The following SLC41A3 variants were observed in gnomAD, a reference collection of about 807,000 sequenced individuals.
SLC41A3 encodes the protein solute carrier family 41 member 3, also known as SLC41A1-like 2.
Under a neutral mutation model 45.4 loss-of-function variants are expected in SLC41A3, and 44 were observed. The ratio of observed to expected loss-of-function variants is 0.97; its 90% CI spans 0.76 to 1.25. The LOEUF is 1.25. Ranked by LOEUF, SLC41A3 falls within the 50% of genes most tolerant of loss-of-function variation. The pLI is 0.00. For synonymous variants in SLC41A3, 256 were observed against 252.4 expected (o/e 1.01, Z -0.13); for missense variants, 550 against 600.6 (o/e 0.92, Z 0.88).
intron 2 of SLC41A3, among the ~76,000 whole-genome samples, chr3:126,060,522 T>C (rs775998299): frequency 6.6e-5 from 10 of 152,088 alleles, no homozygotes; most frequent in Non-Finnish European, 1.2e-4. Flanking sequence ...TAGTTGCCTT[T>C]GGGTGGTGGG....
chr3:126,026,836 C>T lies in SLC41A3; in HGVS notation c.454-357G>A, dbSNP rs1051857326. On this transcript the variant is annotated intron_variant, in intron 4 of 10. Coordinates refer to ENST00000360370, the MANE Select transcript of SLC41A3 (RefSeq NM_017836.4). This position sits in a 1 kb window ranked among gnomAD's most constrained non-coding sequence, Gnocchi z 4.2. ...AGCAGAAGTCCTCTGCAACTCCCGGCAGTGCAGACAACACACCTCACTTGC... is the reference window on the plus strand; with the variant it reads ...AGCAGAAGTCCTCTGCAACTCCCGGTAGTGCAGACAACACACCTCACTTGC... Among the ~76,000 whole-genome samples, 1 of 152,188 alleles carries T rather than the reference C, an allele frequency of 6.6e-6. No homozygotes were observed. The highest frequency in any genetic ancestry group is 1.5e-5 in the Non-Finnish European group (1 of 68,048).
At chr3:126,027,049 C>A (rs1459640781) in intron 4 of SLC41A3, among the ~76,000 whole-genome samples, 4 of 152,198 alleles carry the variant, frequency 2.6e-5, no homozygotes, top group Non-Finnish European at 5.9e-5. Context: ...CACCTCTAAT[C>A]CAAAATGCTG....
intron 1 of SLC41A3, among the ~76,000 whole-genome samples, chr3:126,071,195 G>A (rs896893490): frequency 1.3e-5 from 2 of 152,004 alleles, no homozygotes; most frequent in African/African-American, 4.8e-5. Context: ...GGAAGTAAAA[G>A]GATTTAAATA....
chr3:126,072,581 C>T (rs1944677007), intron 1 of SLC41A3, among the ~76,000 whole-genome samples: 1 of 152,130 alleles, frequency 6.6e-6, no homozygotes, highest in Admixed American at 6.5e-5. Context: ...GGAAAAGCCA[C>T]CAGTCAGAAT....
intron 8 of SLC41A3, among the ~76,000 whole-genome samples, chr3:126,013,441 T>A (rs766327425): frequency 6.6e-6 from 1 of 151,950 alleles, no homozygotes; most frequent in African/African-American, 2.4e-5. Context: ...TGCACACCTG[T>A]AATCCCAGCT....
chr3:126,043,821 CAAA>C (rs1413035996), intron 3 of SLC41A3, among the ~76,000 whole-genome samples: 5 of 74,884 alleles, frequency 6.7e-5, no homozygotes, highest in Non-Finnish European at 6.6e-5. Context: ...AACAAAAAAA[CAAA>C]AAAACAAAAA....
upstream of SLC41A3, among the ~76,000 whole-genome samples, chr3:126,086,498 CTGTGTGTGTGTGTGTG>C (rs57609698): frequency 4.7e-3 from 628 of 133,182 alleles, no homozygotes; most frequent in African/African-American, 0.013. Context: ...GCTATAGGAT[CTGTGTGTGTGTGTGTG>C]TGTGTGTGTG....
chr3:126,062,545 C>T (rs920593194), intron 2 of SLC41A3, among the ~76,000 whole-genome samples: 2 of 152,192 alleles, frequency 1.3e-5, no homozygotes, highest in African/African-American at 4.8e-5. Flanking sequence ...TTGACACACT[C>T]ATTAAGGGCA....
chr3:126,100,981 T>G (rs774892804), intron 1 of SLC41A3, among the ~76,000 whole-genome samples: 3 of 152,270 alleles, frequency 2.0e-5, no homozygotes, highest in Non-Finnish European at 2.9e-5. Flanking sequence ...CCACAAAAGC[T>G]TATAAAAGCT....
Position 126,091,017 on chromosome 3 carries a change from G to T in SLC41A3, c.-79+10412C>A, listed in dbSNP as rs114395180. On this transcript the variant is annotated intron_variant, in intron 1 of 9. Transcript: ENST00000508835. The stretch of plus-strand genomic sequence containing the variant: ...TGGCTCCAATCCCCTTCTAGGATGT[G>T]TGCCCAGATCAGCACACACCTACAA... Among the ~76,000 whole-genome samples, 2 of 152,084 alleles carry T rather than the reference G, an allele frequency of 1.3e-5. 1 individual carries two copies. The highest frequency in any genetic ancestry group is 4.1e-4 in the South Asian group (2 of 4,822).
rs1939178164 is a variant in SLC41A3 at position 126,007,082 on chromosome 3, A to G, written c.1398T>C (p.Thr466=). 1.2e-6 allele frequency: 2 copies of G among 1,614,080 alleles called. No homozygotes were observed. The highest frequency in any genetic ancestry group is 1.7e-6 in the Non-Finnish European group (2 of 1,180,044). The part of the protein sequence containing the change: ...GTGLLALCFF[T]DWLLKSKAEL... ...CTGCCTTGCTCTTCAGTAGCCAGTCAGTGAAAAAGCAGAGTGCCAGGAGGC... is the reference window on the plus strand; with the variant it reads ...CTGCCTTGCTCTTCAGTAGCCAGTCGGTGAAAAAGCAGAGTGCCAGGAGGC... Residue 466 remains threonine, a synonymous_variant, in exon 11 of 11, where the codon ACT becomes ACC. Coordinates refer to ENST00000360370, the MANE Select transcript of SLC41A3 (RefSeq NM_017836.4).
chr3:126,097,407 A>G (rs528218396), intron 1 of SLC41A3, among the ~76,000 whole-genome samples: 9 of 152,288 alleles, frequency 5.9e-5, no homozygotes, highest in Admixed American at 3.9e-4. Context: ...GGCGCTGTGA[A>G]ATTAGCATTC....
Position 126,036,172 on chromosome 3 carries a change from T to C in SLC41A3, c.382-2494A>G, listed in dbSNP as rs1942172614. ...GTTCTAGATTTTCTAAGCCTTTCCT[T>C]ATTGTCTACGTAAAACAGCCTGCTT... On this transcript the variant is annotated intron_variant, in intron 3 of 10. Coordinates refer to ENST00000360370, the MANE Select transcript of SLC41A3 (RefSeq NM_017836.4). Among the ~76,000 whole-genome samples, 6 of 152,370 alleles carry C rather than the reference T, an allele frequency of 3.9e-5. No individual in the cohort carries two copies. The South Asian group carries it at 1.2e-3, about 32-fold the overall frequency.
intron 6 of SLC41A3, among the ~76,000 whole-genome samples, chr3:126,017,647 C>T (rs1479650010): frequency 2.0e-5 from 3 of 152,192 alleles, no homozygotes; most frequent in Non-Finnish European, 4.4e-5. Context: ...CTAGAGTGGT[C>T]GTCTCACCCT....
rs532316091 is a variant in SLC41A3 at position 126,026,846 on chromosome 3, A to G, written c.454-367T>C. On this transcript the variant is annotated intron_variant, in intron 4 of 10. Coordinates refer to ENST00000360370, the MANE Select transcript of SLC41A3 (RefSeq NM_017836.4). The surrounding 1 kb of genome is among the most constrained non-coding windows in gnomAD (Gnocchi z 4.2). ...CTCTGCAACTCCCGGCAGTGCAGAC[A>G]ACACACCTCACTTGCCATGTGGTGT... is the stretch of plus-strand genomic sequence containing the variant. Among the ~76,000 whole-genome samples the G allele has an allele frequency of 1.1e-4, 17 of 152,272 alleles. No homozygotes were observed. In the East Asian group the frequency reaches 3.3e-3, roughly 29 times the overall value.
chr3:126,008,896 C>T lies in SLC41A3; in HGVS notation c.1106-16G>A, dbSNP rs1452402740. Reference sequence around the variant, plus strand: ...GAATTGATTTCTGAAAGAAACAGAACCAAGAAGGTCATGTGACCTGAAGCG... The same window carrying T: ...GAATTGATTTCTGAAAGAAACAGAATCAAGAAGGTCATGTGACCTGAAGCG... On this transcript the variant is annotated splice_polypyrimidine_tract_variant and intron_variant, in intron 9 of 10. Transcript: ENST00000360370. 6.2e-7 allele frequency: 1 copy of T among 1,613,098 alleles called. No homozygotes were observed. Among genetic ancestry groups the T allele is most frequent in the Admixed American group, 1.7e-5 (1 of 60,012 alleles).
intron 6 of SLC41A3, among the ~76,000 whole-genome samples, chr3:126,017,816 C>T (rs559356781): frequency 6.6e-5 from 10 of 152,304 alleles, no homozygotes; most frequent in Non-Finnish European, 1.3e-4. Context: ...GCCCATTCCT[C>T]TGCCTCAGGT....
At chr3:126,055,654 C>A (rs1236629407) in intron 2 of SLC41A3, among the ~76,000 whole-genome samples, 1 of 152,168 alleles carries the variant, frequency 6.6e-6, no homozygotes, top group Non-Finnish European at 1.5e-5. Flanking sequence ...GGTGTATTTT[C>A]CAATTTTTCT....
intron 6 of SLC41A3, among the ~76,000 whole-genome samples, chr3:126,018,446 C>G (rs1940527365): frequency 6.6e-6 from 1 of 152,202 alleles, no homozygotes. Context: ...GCGAATCTCC[C>G]TGGTGATTAA....
Sources: gnomAD v4.1 joint callset for allele counts (sites outside exome capture counted in the v4.1 genomes callset) on GRCh38, gnomAD v4.1.1 for gene constraint, Gnocchi (gnomAD v3.1) non-coding constraint, MANE v1.5 for transcripts, NCBI Gene and HGNC (gene_info 2026-07-23, HGNC 2026-07-21) for gene names.